Variants in VAV1 observed in about 807,000 individuals in gnomAD.
VAV1 encodes proto-oncogene vav.
In VAV1, 33 loss-of-function variants were observed where a neutral mutation model predicts 128.1. The observed-to-expected ratio is 0.26, with a 90% CI of 0.20 to 0.34. The LOEUF (loss-of-function observed/expected upper bound fraction) is 0.34. VAV1 is among the 10% of genes least tolerant of loss of function. The pLI is 1.00. For missense variants in VAV1, 715 were observed against 1,093.7 expected (o/e 0.65, Z 4.88); for synonymous variants, 394 against 409.8 (o/e 0.96, Z 0.47).
chr19:6,814,686 T>TCTCTCTCTCTCTCTCTCTC (rs1568299290), intron 1 of VAV1, among the ~76,000 whole-genome samples: 1 of 117,970 alleles, frequency 8.5e-6, no homozygotes, highest in African/African-American at 4.0e-5. Flanking sequence ...CTTTCTTTCT[T>TCTCTCTCTCTCTCTCTCTC]TCTTTCTTTC....
At chr19:6,792,188 C>T (rs1971032878) in intron 1 of VAV1, among the ~76,000 whole-genome samples, 2 of 150,896 alleles carry the variant, frequency 1.3e-5, no homozygotes, top group African/African-American at 2.4e-5. Flanking sequence ...CCCACCTCTA[C>T]AAAAAACAAA....
chr19:6,828,886 C>T lies in VAV1; in HGVS notation c.1251C>T (p.Arg417=). 2 of 1,614,088 alleles carry T rather than the reference C, an allele frequency of 1.2e-6. No homozygotes were observed. Among genetic ancestry groups the T allele is most frequent in the Non-Finnish European group, 1.7e-6 (2 of 1,180,032 alleles). The part of the protein sequence containing the change: ...GELKITSVER[R]SKMDRYAFLL... ...TCAAGATCACCTCGGTGGAACGGCG[C>T]TCCAAGATGGACAGGTGGGTGGAGT... The change falls in exon 13 of 27, where the codon CGC becomes CGT. Residue 417 remains arginine, a synonymous_variant. Coordinates refer to ENST00000602142, the MANE Select transcript of VAV1 (RefSeq NM_005428.4). The surrounding 1 kb of genome is among the most constrained non-coding windows in gnomAD (Gnocchi z 4.5).
intron 1 of VAV1, among the ~76,000 whole-genome samples, chr19:6,779,808 T>C (rs1323241357): frequency 6.7e-6 from 1 of 148,718 alleles, no homozygotes; most frequent in African/African-American, 2.5e-5. Context: ...GGCCCAATTA[T>C]AGCTTCTAAA....
chr19:6,847,007 G>A (rs1268255916), intron 22 of VAV1, among the ~76,000 whole-genome samples: 1 of 150,180 alleles, frequency 6.7e-6, no homozygotes, highest in African/African-American at 2.5e-5. Flanking sequence ...TCCGCCTACC[G>A]AGTTCAAGCG....
chr19:6,794,877 C>G, intron 1 of VAV1, among the ~76,000 whole-genome samples: 1 of 152,146 alleles, frequency 6.6e-6, no homozygotes, highest in East Asian at 1.9e-4. Context: ...GAAACTTTGA[C>G]TTTCTGGGAA....
intron 1 of VAV1, among the ~76,000 whole-genome samples, chr19:6,809,106 GGTCTT>G (rs1971461007): frequency 2.7e-5 from 4 of 149,144 alleles, no homozygotes; most frequent in Admixed American, 2.7e-4. Context: ...TTTGAGATAG[GGTCTT>G]GTCTTGTCGC....
At chr19:6,846,099 A>G (rs1972515174) in intron 22 of VAV1, among the ~76,000 whole-genome samples, 1 of 149,256 alleles carries the variant, frequency 6.7e-6, no homozygotes, top group African/African-American at 2.4e-5. Context: ...TTTATGTCAT[A>G]TTGTACGTTA....
intron 1 of VAV1, among the ~76,000 whole-genome samples, chr19:6,795,439 C>T (rs1196162479): frequency 6.6e-6 from 1 of 152,022 alleles, no homozygotes. Context: ...TTGTAATGCA[C>T]ACGAATTGCT....
At chr19:6,835,050 T>A in intron 19 of VAV1, among the ~76,000 whole-genome samples, 1 of 151,886 alleles carries the variant, frequency 6.6e-6, no homozygotes, top group East Asian at 1.9e-4. Flanking sequence ...TTCAAAAAAA[T>A]AAAAAAATAA....
At chr19:6,836,909 T>A (rs1003026493) in intron 20 of VAV1, 76 bp from the exon 21 acceptor site, 1 of 1,435,640 alleles carries the variant, frequency 7.0e-7, no homozygotes, top group African/African-American at 1.5e-5. Context: ...ACGTGTAGGG[T>A]TATGGGTTTA....
chr19:6,784,278 G>T, intron 1 of VAV1: 1 of 550,072 alleles, frequency 1.8e-6, no homozygotes, highest in Non-Finnish European at 3.3e-6. Context: ...ATGCAGGTCT[G>T]TGGAAATCTC....
intron 21 of VAV1, among the ~76,000 whole-genome samples, chr19:6,842,882 T>C (rs1972414297): frequency 6.6e-6 from 1 of 152,082 alleles, no homozygotes; most frequent in African/African-American, 2.4e-5. Flanking sequence ...TCTAAAAATG[T>C]AAAAACCATT....
chr19:6,831,525 G>T lies in VAV1; in HGVS notation c.1399-566G>T, dbSNP rs528467272. On this transcript the variant is annotated intron_variant, in intron 14 of 26. Coordinates refer to ENST00000602142, the MANE Select transcript of VAV1 (RefSeq NM_005428.4). ...GACGGAGTTTCACCACATTGGTCAGGCTGGTCTCAAACTCCTGACCTCGTG... is the reference window on the plus strand; with the variant it reads ...GACGGAGTTTCACCACATTGGTCAGTCTGGTCTCAAACTCCTGACCTCGTG... 1.4e-4 allele frequency among the ~76,000 whole-genome samples: 21 copies of T among 152,192 alleles called. 1 individual carries two copies. In the South Asian group the frequency reaches 4.4e-3, roughly 32 times the overall value.
At chr19:6,780,327 T>C (rs1176918778) in intron 1 of VAV1, among the ~76,000 whole-genome samples, 1 of 149,886 alleles carries the variant, frequency 6.7e-6, no homozygotes, top group Non-Finnish European at 1.5e-5. Flanking sequence ...GAAAAGTGTT[T>C]AGCTGCATAT....
At chr19:6,834,017 A>G (rs1972157530) in intron 19 of VAV1, 64 bp downstream of exon 19, 2 of 1,608,076 alleles carry the variant, frequency 1.2e-6, no homozygotes, top group African/African-American at 1.3e-5. Context: ...ATGTTGACCC[A>G]GGGACAGATC....
chr19:6,852,901 C>T (rs1972703305), intron 24 of VAV1, 64 bp from the exon 25 acceptor site: 1 of 1,404,602 alleles, frequency 7.1e-7, no homozygotes, highest in Non-Finnish European at 1.0e-6. Flanking sequence ...ATGGCTGTTC[C>T]TAGCTCTGCC....
rs149854150 is a variant in VAV1, at chr19:6,856,164, G to A, written c.2485-890G>A. Among the ~76,000 whole-genome samples, 379 of 152,262 alleles carry A rather than the reference G, an allele frequency of 2.5e-3. 1 individual carries two copies. The highest frequency in any genetic ancestry group is 8.3e-3 in the African/African-American group (343 of 41,562). ...ACAAAAAAATTAGCTGGGCATTGTG[G>A]CGTGCGCCTCTAATCCCAGGTACTC... On this transcript the variant is annotated intron_variant, in intron 26 of 26. Transcript: ENST00000602142.
chr19:6,833,154 T>C lies in VAV1; in HGVS notation c.1509-30T>C, dbSNP rs770477714. 2.2e-5 allele frequency: 32 copies of C among 1,425,452 alleles called. No individual in the cohort carries two copies. The South Asian group carries it at 2.6e-4, about 12-fold the overall frequency. The allele number at this position is 1,425,452 out of a possible 1,614,324, so 88.3% of individuals were successfully genotyped here. The stretch of plus-strand genomic sequence containing the variant: ...AAAGGAATAAAATACTGACCTTCTT[T>C]TTTTTTTTTTTTTAATTTTCCCCTG... On this transcript the variant is annotated intron_variant, in intron 15 of 26. Coordinates refer to ENST00000602142, the MANE Select transcript of VAV1 (RefSeq NM_005428.4).
chr19:6,825,270 C>T (rs1971890383), intron 7 of VAV1, 33 bp from the exon 8 acceptor site: 1 of 1,598,438 alleles, frequency 6.3e-7, no homozygotes, highest in Non-Finnish European at 8.6e-7. Flanking sequence ...GCCCTGGGCT[C>T]TGGTCCCAGC....
Sources: gnomAD v4.1 joint callset for allele counts (sites outside exome capture counted in the v4.1 genomes callset) on GRCh38, gnomAD v4.1.1 for gene constraint, Gnocchi (gnomAD v3.1) non-coding constraint, MANE v1.5 for transcripts, NCBI Gene and HGNC (gene_info 2026-07-23, HGNC 2026-07-21) for gene names.